RELN: variants seen among roughly 807,000 people sequenced by gnomAD.
RELN encodes reelin.
A neutral mutation model predicts 427.6 loss-of-function variants in RELN; 108 were observed. That is an observed-to-expected ratio of 0.25 (90% CI 0.22 to 0.30). The LOEUF (loss-of-function observed/expected upper bound fraction) is 0.30, where lower values mean the gene tolerates loss of function less well. RELN is among the 10% of genes least tolerant of loss of function. The pLI is 1.00. For missense variants in RELN, 3,715 were observed against 4,302.8 expected (o/e 0.86, Z 3.82); for synonymous variants, 1,524 against 1,513.4 (o/e 1.01, Z -0.16).
intron 8 of RELN, among the ~76,000 whole-genome samples, chr7:103,711,167 A>G (rs1369201607): frequency 6.6e-6 from 1 of 152,226 alleles, no homozygotes; most frequent in Non-Finnish European, 1.5e-5. Context: ...TGATTTTGTG[A>G]TGTTTGTGGT....
chr7:103,679,441 G>A (rs892739690), intron 11 of RELN, among the ~76,000 whole-genome samples: 1 of 152,128 alleles, frequency 6.6e-6, no homozygotes, highest in Non-Finnish European at 1.5e-5. Flanking sequence ...AGAGTGGTAC[G>A]GTGCTTTTCT....
At chr7:103,681,262 C>T (rs1448848897) in intron 11 of RELN, among the ~76,000 whole-genome samples, 1 of 152,050 alleles carries the variant, frequency 6.6e-6, no homozygotes, top group East Asian at 1.9e-4. Flanking sequence ...TCAGGGACTT[C>T]GAAGTTTAAT....
At chr7:103,962,553 C>T (rs780536627) in intron 1 of RELN, among the ~76,000 whole-genome samples, 1 of 152,036 alleles carries the variant, frequency 6.6e-6, no homozygotes, top group African/African-American at 2.4e-5. Context: ...TTTCAGCTCA[C>T]AGAAACACCA....
At chr7:103,501,702 T>C (rs1351406051) in intron 52 of RELN, among the ~76,000 whole-genome samples, 2 of 152,208 alleles carry the variant, frequency 1.3e-5, no homozygotes, top group Non-Finnish European at 2.9e-5. Flanking sequence ...TTTTACTGAA[T>C]GTAAATTATA....
chr7:103,756,956 C>T (rs1040629772), intron 4 of RELN, among the ~76,000 whole-genome samples: 3 of 152,090 alleles, frequency 2.0e-5, no homozygotes, highest in Admixed American at 6.6e-5. Context: ...AATCATTTCT[C>T]GATAAATGAC....
At chr7:103,691,179 A>C (rs1284956519) in intron 10 of RELN, among the ~76,000 whole-genome samples, 1 of 152,172 alleles carries the variant, frequency 6.6e-6, no homozygotes, top group African/African-American at 2.4e-5. Context: ...TGTGACCTAC[A>C]ATTATAATTC....
At chr7:103,550,023 T>A (rs362781) in intron 41 of RELN, among the ~76,000 whole-genome samples, 9,244 of 152,296 alleles carry the variant, frequency 0.061, 333 homozygotes, top group South Asian at 0.14. Context: ...TTTTGCTTAG[T>A]AATGCTTATT....
rs201097384 is a variant in RELN at position 103,498,235 on chromosome 7, G to A, written c.8685C>T (p.Arg2895=). ...THTLKTFLKE[R]FDSEEIKPDL... is the part of the protein sequence containing the mutation. ...CAGGTTTGATTTCTTCACTGTCAAA[G>A]CGTTCCTTCAGGAAAGTCTGGAAAT... Residue 2895 remains arginine (R), a synonymous_variant, in exon 54 of 65, where the codon CGC becomes CGT. Coordinates refer to ENST00000428762, the MANE Select transcript of RELN (RefSeq NM_005045.4). The A allele has an allele frequency of 3.7e-6, 6 of 1,613,880 alleles. No homozygotes were observed. In the Admixed American group the frequency reaches 8.3e-5, roughly 22 times the overall value.
chr7:103,947,462 C>A (rs764291567), intron 1 of RELN, among the ~76,000 whole-genome samples: 5 of 152,052 alleles, frequency 3.3e-5, no homozygotes, highest in African/African-American at 4.8e-5. Context: ...GACAGACATG[C>A]ATAAAAGGAA....
At chr7:103,975,564 T>TA (rs60456786) in intron 1 of RELN, among the ~76,000 whole-genome samples, 3 of 151,234 alleles carry the variant, frequency 2.0e-5, no homozygotes, top group South Asian at 2.1e-4. Context: ...TTTATTTATT[T>TA]TGAGACGGAG....
intron 37 of RELN, 52 bp downstream of exon 37, chr7:103,557,913 G>T: frequency 1.2e-6 from 1 of 856,456 alleles, no homozygotes; most frequent in South Asian, 1.4e-5. Context: ...TGTGGAAAAG[G>T]AATTGCACAG....
At chr7:103,857,893 T>C (rs551143569) in intron 2 of RELN, among the ~76,000 whole-genome samples, 62 of 152,318 alleles carry the variant, frequency 4.1e-4, no homozygotes, top group African/African-American at 1.4e-3. Context: ...TTTAAGACTT[T>C]GCAGAGGGTT....
At chr7:103,566,158 G>A (rs1830745746) in intron 33 of RELN, 66 bp downstream of exon 33, 3 of 1,402,306 alleles carry the variant, frequency 2.1e-6, no homozygotes, top group Non-Finnish European at 1.0e-6. Flanking sequence ...GTTTTCTCCT[G>A]ACTTTTAGTT....
chr7:103,776,635 C>A lies in RELN; in HGVS notation c.474-8G>T. 1 of 1,613,830 alleles carries A rather than the reference C, an allele frequency of 6.2e-7. No homozygotes were observed. The highest frequency in any genetic ancestry group is 8.5e-7 in the Non-Finnish European group (1 of 1,179,844). On this transcript the variant is annotated splice_region_variant and splice_polypyrimidine_tract_variant and intron_variant, in intron 3 of 64. Transcript: ENST00000428762. ...CGGTGTGTTGCTGTAGCCCTGGAAA[C>A]AAATAGGAAAAGGTTAATTCAACTC...
chr7:103,575,540 A>G lies in RELN; in HGVS notation c.4303+8T>C. ...ATAAAACCCTCAGACACATGTATTT[A>G]GCCTTACCAGTATATCCCAGGTCAC... On this transcript the variant is annotated splice_region_variant and intron_variant, in intron 29 of 64. Coordinates refer to ENST00000428762, the MANE Select transcript of RELN (RefSeq NM_005045.4). The G allele has an allele frequency of 6.2e-7, 1 of 1,613,740 alleles. No homozygotes were observed. Among genetic ancestry groups the G allele is most frequent in the Non-Finnish European group, 8.5e-7 (1 of 1,179,604 alleles).
intron 28 of RELN, among the ~76,000 whole-genome samples, chr7:103,583,064 T>C (rs1487508052): frequency 6.6e-6 from 1 of 152,186 alleles, no homozygotes; most frequent in Non-Finnish European, 1.5e-5. Context: ...CATTTAGACA[T>C]GCCAAACTTT....
chr7:103,704,623 C>T (rs1041033035), intron 8 of RELN, among the ~76,000 whole-genome samples: 1 of 152,026 alleles, frequency 6.6e-6, no homozygotes, highest in Non-Finnish European at 1.5e-5. Flanking sequence ...CAGTGATTTT[C>T]CTGGATAATG....
intron 1 of RELN, among the ~76,000 whole-genome samples, chr7:103,959,868 G>A (rs932342439): frequency 2.0e-5 from 3 of 152,066 alleles, no homozygotes; most frequent in African/African-American, 7.2e-5. Context: ...CCAAAGTGTT[G>A]AGAATACAGG....
chr7:103,983,206 A>T (rs1383813217), intron 1 of RELN, among the ~76,000 whole-genome samples: 1 of 152,238 alleles, frequency 6.6e-6, no homozygotes, highest in African/African-American at 2.4e-5. Flanking sequence ...TGCCACACAC[A>T]CATCCTCAAA....
Sources: gnomAD v4.1 joint callset for allele counts (sites outside exome capture counted in the v4.1 genomes callset) on GRCh38, gnomAD v4.1.1 for gene constraint, MANE v1.5 for transcripts, NCBI Gene and HGNC (gene_info 2026-07-23, HGNC 2026-07-21) for gene names.